NAA35: variants seen among roughly 807,000 people sequenced by gnomAD.
NAA35 encodes N-alpha-acetyltransferase 35, NatC auxiliary subunit, also known as MAK10 homolog, amino-acid N-acetyltransferase subunit.
Under a neutral mutation model 101.7 loss-of-function variants are expected in NAA35, and 18 were observed. That is an observed-to-expected ratio of 0.18 (90% CI 0.12 to 0.26). The LOEUF is 0.26. Among genes scored for constraint, NAA35 ranks in the 10% least tolerant of loss-of-function variants. The pLI, the probability that NAA35 is intolerant of heterozygous loss-of-function variation, is 1.00. For synonymous variants in NAA35, 267 were observed against 273.1 expected, an observed-to-expected ratio of 0.98 and a Z score of 0.22; for missense variants, 601 against 886.8, an observed-to-expected ratio of 0.68 and a Z score of 4.09.
In NAA35 at chr9:85,941,211, C is replaced by T. The variant is rs538323106; in HGVS notation, c.-68C>T. On this transcript the variant is annotated 5_prime_UTR_variant, in exon 1 of 23. Transcript: ENST00000361671. ...GGGGAGGGGGCGGCGGCGGCCGAGG[C>T]GGCGTCGTTATTTCCGTGGTCCGGA... 4.1e-6 allele frequency: 4 copies of T among 986,690 alleles called. No homozygotes were observed. The highest frequency in any genetic ancestry group is 1.1e-4 in the East Asian group (1 of 8,820). The allele number at this position is 986,690 out of a possible 1,614,324, so 61.1% of individuals were successfully genotyped here.
intron 11 of NAA35, among the ~76,000 whole-genome samples, chr9:85,994,356 T>G (rs1384200198): frequency 1.3e-5 from 2 of 152,212 alleles, no homozygotes; most frequent in Non-Finnish European, 2.9e-5. Context: ...ATTCTCTGTC[T>G]GAATTTCACT....
In NAA35 at chr9:85,984,607, A is replaced by G. The variant is rs147593082; in HGVS notation, c.877+6226A>G. ...AGAAGTCAATGAAGTGAAAACCAAG[A>G]TCATACTTCCTAAAGCAAAACTTAC... On this transcript the variant is annotated intron_variant, in intron 11 of 22. Transcript: ENST00000361671. Among the ~76,000 whole-genome samples, 149 of 152,318 alleles carry G rather than the reference A, an allele frequency of 9.8e-4. 4 individuals are homozygous for G. The East Asian group carries it at 0.021, about 22-fold the overall frequency.
chr9:85,997,882 T>C (rs929432593), intron 12 of NAA35, among the ~76,000 whole-genome samples: 2 of 152,056 alleles, frequency 1.3e-5, no homozygotes, highest in African/African-American at 4.8e-5. Context: ...TACATACATA[T>C]ATATTTATGT....
intron 11 of NAA35, among the ~76,000 whole-genome samples, chr9:85,985,948 C>G (rs1225352066): frequency 6.6e-6 from 1 of 152,034 alleles, no homozygotes; most frequent in Admixed American, 6.6e-5. Flanking sequence ...GGGAATAAAT[C>G]AAGAAAGAGG....
rs541166709 is a variant in NAA35, at chr9:85,976,594, G to A, written c.628-91G>A. 1.9e-5 allele frequency: 18 copies of A among 931,660 alleles called. No homozygotes were observed. In the South Asian group the frequency reaches 3.3e-4, roughly 17 times the overall value. 57.7% of individuals were successfully genotyped at this position (931,660 alleles called of 1,614,324 possible). On this transcript the variant is annotated intron_variant, in intron 8 of 22. Coordinates refer to ENST00000361671, the MANE Select transcript of NAA35 (RefSeq NM_024635.4). Reference sequence around the variant, plus strand: ...ATTTTCCCCAAAAACAGATTCTTGTGTATACTTAAAAAATCAGTGTTTTTC... The same window carrying A: ...ATTTTCCCCAAAAACAGATTCTTGTATATACTTAAAAAATCAGTGTTTTTC...
intron 12 of NAA35, among the ~76,000 whole-genome samples, chr9:85,997,506 T>C (rs1831215397): frequency 6.6e-6 from 1 of 151,996 alleles, no homozygotes; most frequent in African/African-American, 2.4e-5. Flanking sequence ...CATGCATGGC[T>C]AATTTTTTGT....
chr9:86,016,423 ATGAT>A (rs1050978585), intron 17 of NAA35, 112 bp from the exon 18 acceptor site: 46 of 792,222 alleles, frequency 5.8e-5, no homozygotes, highest in Non-Finnish European at 9.0e-5. Context: ...TATCTAATGA[ATGAT>A]CTGTTTTTAA....
At chr9:85,980,325 T>G (rs1345195250) in intron 11 of NAA35, among the ~76,000 whole-genome samples, 1 of 150,948 alleles carries the variant, frequency 6.6e-6, no homozygotes, top group Non-Finnish European at 1.5e-5. Context: ...CAACTGGACC[T>G]TCAGCCTCTC....
intron 2 of NAA35, among the ~76,000 whole-genome samples, chr9:85,955,345 TATATATATATATA>T (rs1440624494): frequency 9.6e-5 from 7 of 72,984 alleles, no homozygotes; most frequent in African/African-American, 3.3e-4. Context: ...TATATATATA[TATATATATATATA>T]TATTTTTTTT....
rs558762064 is a variant in NAA35, at chr9:85,966,689, C to A, written c.516+4509C>A. The stretch of plus-strand genomic sequence containing the variant: ...GAAGGAATGCAGTAAGTTGACACTT[C>A]TGTTTTTACTAGTATACATTAGCAC... On this transcript the variant is annotated intron_variant, in intron 6 of 22. Coordinates refer to ENST00000361671, the MANE Select transcript of NAA35 (RefSeq NM_024635.4). The A allele has an allele frequency of 5.2e-5, 62 of 1,200,902 alleles. 2 individuals are homozygous for A. The South Asian group carries it at 7.8e-4, about 15-fold the overall frequency. The allele number at this position is 1,200,902 out of a possible 1,614,324, so 74.4% of individuals were successfully genotyped here.
intron 12 of NAA35, among the ~76,000 whole-genome samples, chr9:85,997,877 A>G (rs1412633826): frequency 6.6e-6 from 1 of 152,006 alleles, no homozygotes; most frequent in Non-Finnish European, 1.5e-5. Context: ...ATACATACAT[A>G]CATATATATT....
At chr9:85,969,254 T>G (rs978775977) in intron 6 of NAA35, among the ~76,000 whole-genome samples, 1 of 147,896 alleles carries the variant, frequency 6.8e-6, no homozygotes, top group Non-Finnish European at 1.5e-5. Context: ...AAGGTAGATT[T>G]TGAGACCTGG....
At chr9:86,000,732 G>T (rs191517633) in intron 12 of NAA35, among the ~76,000 whole-genome samples, 3 of 152,108 alleles carry the variant, frequency 2.0e-5, no homozygotes, top group Admixed American at 2.0e-4. Context: ...TTTCTTTGGG[G>T]TCAGTAGTAA....
At chr9:85,948,635 C>G (rs1245308774) in intron 2 of NAA35, among the ~76,000 whole-genome samples, 1 of 152,186 alleles carries the variant, frequency 6.6e-6, no homozygotes, top group Non-Finnish European at 1.5e-5. Flanking sequence ...TGTCCTCCCA[C>G]TTGACTGATA....
intron 1 of NAA35, chr9:85,941,743 G>A (rs1828527283): frequency 1.0e-6 from 1 of 989,312 alleles, no homozygotes. Flanking sequence ...CAGATGAAGG[G>A]CTACCTTGAT....
chr9:85,978,167 C>A, intron 10 of NAA35, 100 bp from the exon 11 acceptor site: 2 of 732,418 alleles, frequency 2.7e-6, no homozygotes, highest in South Asian at 3.3e-5. Context: ...GTCATTACAG[C>A]AAGCATTTAA....
At chr9:86,021,102 C>A in intron 22 of NAA35, 133 bp downstream of exon 22, 1 of 610,638 alleles carries the variant, frequency 1.6e-6, no homozygotes, top group Non-Finnish European at 2.6e-6. Context: ...TTTAGTTCAG[C>A]AGCAAAAAAT....
chr9:85,998,313 T>C lies in NAA35; in HGVS notation c.1056+1736T>C, dbSNP rs184488525. Among the ~76,000 whole-genome samples, 4 of 152,290 alleles carry C rather than the reference T, an allele frequency of 2.6e-5. No homozygotes were observed. The East Asian group carries it at 7.7e-4, about 29-fold the overall frequency. ...CTCTGTATCATGAACATCTTCCTTT[T>C]CATGTCAACAAATACATGACAAATT... On this transcript the variant is annotated intron_variant, in intron 12 of 22. Transcript: ENST00000361671.
At chr9:85,946,903 C>A (rs931956669) in intron 2 of NAA35, among the ~76,000 whole-genome samples, 3 of 152,172 alleles carry the variant, frequency 2.0e-5, no homozygotes, top group African/African-American at 7.2e-5. Flanking sequence ...ATTCCTTTTA[C>A]ACTTTCTCTT....
Sources: gnomAD v4.1 joint callset for allele counts (sites outside exome capture counted in the v4.1 genomes callset) on GRCh38, gnomAD v4.1.1 for gene constraint, MANE v1.5 for transcripts, NCBI Gene and HGNC (gene_info 2026-07-23, HGNC 2026-07-21) for gene names.